Variants in SBF2 observed in about 807,000 individuals in gnomAD.
SBF2 encodes myotubularin-related protein 13.
Under a neutral mutation model 225.2 loss-of-function variants are expected in SBF2, and 112 were observed. The ratio of observed to expected loss-of-function variants is 0.50; its 90% CI spans 0.43 to 0.58. SBF2 has a LOEUF of 0.58. SBF2 is among the 20% of genes least tolerant of loss of function. The pLI, the probability that SBF2 is intolerant of heterozygous loss-of-function variation, is 0.00. For synonymous variants in SBF2, 763 were observed against 773.3 expected (o/e 0.99, Z 0.22); for missense variants, 1,996 against 2,206.2 (o/e 0.90, Z 1.91).
rs753903194 is a variant in SBF2 at position 9,998,299 on chromosome 11, T to C, written c.942A>G (p.Pro314=). 1.9e-6 allele frequency: 3 copies of C among 1,605,148 alleles called. No homozygotes were observed. The highest frequency in any genetic ancestry group is 2.6e-6 in the Non-Finnish European group (3 of 1,172,214). ...GAGCTGATTGAGTCTGATGTAGAAGTGGTTCTGGGAGGGAAGAGAGGTGAA... is the reference window on the plus strand; with the variant it reads ...GAGCTGATTGAGTCTGATGTAGAAGCGGTTCTGGGAGGGAAGAGAGGTGAA... ...ECIHLSSLPE[P]LLHQTQSALS... Residue 314 remains proline (P), a synonymous_variant, in exon 9 of 40, where the codon CCA becomes CCG. Coordinates refer to ENST00000256190, the MANE Select transcript of SBF2 (RefSeq NM_030962.4).
At chr11:10,105,458 C>A (rs955326809) in intron 2 of SBF2, among the ~76,000 whole-genome samples, 1 of 152,172 alleles carries the variant, frequency 6.6e-6, no homozygotes, top group Non-Finnish European at 1.5e-5. Context: ...AATAATCACA[C>A]CACTATAATC....
chr11:10,231,554 G>A (rs1288506043), intron 1 of SBF2, among the ~76,000 whole-genome samples: 1 of 152,170 alleles, frequency 6.6e-6, no homozygotes, highest in East Asian at 1.9e-4. Context: ...CAGGTCTGTT[G>A]GAGTTTGCTG....
chr11:9,847,053 G>C lies in SBF2; in HGVS notation c.2837C>G (p.Pro946Arg), dbSNP rs759749693. ...VGEQTVVRSF[P>R]IASITKEKKI... ...CTTCTCCTTGGTGATGGAGGCAATG[G>C]GAAAGCTCCGCACAACTGTCTGCTC... The change falls in exon 23 of 40, where the codon CCC becomes CGC. Residue 946 changes from proline (P) to arginine (R), a missense_variant. Pro to Arg is a moderately radical substitution (Grantham distance 103). Transcript: ENST00000256190. The C allele has an allele frequency of 6.2e-6, 10 of 1,613,638 alleles. No individual in the cohort carries two copies. The highest frequency in any genetic ancestry group is 2.5e-6 in the Non-Finnish European group (3 of 1,179,740).
At chr11:10,136,209 A>C (rs1954344207) in intron 2 of SBF2, among the ~76,000 whole-genome samples, 1 of 152,158 alleles carries the variant, frequency 6.6e-6, no homozygotes, top group Non-Finnish European at 1.5e-5. Context: ...TGACTCAATT[A>C]CCTCCACAAG....
chr11:9,929,903 G>A (rs1052427213), intron 16 of SBF2, among the ~76,000 whole-genome samples: 3 of 152,154 alleles, frequency 2.0e-5, no homozygotes, highest in Admixed American at 6.5e-5. Context: ...TGATTGTAAC[G>A]GTTCCTATTC....
chr11:10,132,442 A>T (rs1954105101), intron 2 of SBF2, among the ~76,000 whole-genome samples: 1 of 150,072 alleles, frequency 6.7e-6, no homozygotes, highest in African/African-American at 2.5e-5. Flanking sequence ...TGATGTTCAG[A>T]TGTGTTTGGA....
intron 2 of SBF2, among the ~76,000 whole-genome samples, chr11:10,070,939 A>G (rs1436075226): frequency 6.6e-6 from 1 of 152,084 alleles, no homozygotes; most frequent in Non-Finnish European, 1.5e-5. Context: ...ATGGGGGTTC[A>G]CTCATGGTTT....
At chr11:10,218,958 T>A (rs928283381) in intron 1 of SBF2, among the ~76,000 whole-genome samples, 4 of 152,052 alleles carry the variant, frequency 2.6e-5, no homozygotes, top group African/African-American at 9.7e-5. Flanking sequence ...TGCTATTGAG[T>A]GTCTGTGGCT....
chr11:9,782,913 G>C (rs1370891365), intron 38 of SBF2: 2 of 151,634 alleles, frequency 1.3e-5, no homozygotes, highest in Non-Finnish European at 2.9e-5. Flanking sequence ...AAGTCAAAGA[G>C]ACTGCTAGGG....
intron 17 of SBF2, among the ~76,000 whole-genome samples, chr11:9,885,028 A>C (rs1272757433): frequency 6.6e-6 from 1 of 151,938 alleles, no homozygotes; most frequent in African/African-American, 2.4e-5. Context: ...AGGCGGACGG[A>C]TCACTTGAGG....
chr11:10,158,790 TC>T (rs1955587023), intron 2 of SBF2, among the ~76,000 whole-genome samples: 1 of 152,122 alleles, frequency 6.6e-6, no homozygotes, highest in Non-Finnish European at 1.5e-5. Context: ...ACTGCAAACA[TC>T]CTATACCATC....
At chr11:10,194,674 G>A (rs956324020) in intron 1 of SBF2, among the ~76,000 whole-genome samples, 9 of 151,988 alleles carry the variant, frequency 5.9e-5, no homozygotes, top group Non-Finnish European at 1.3e-4. Context: ...CCATGCCCAG[G>A]TAATTTTTGT....
At chr11:9,987,742 C>CA (rs1321993903) in intron 13 of SBF2, among the ~76,000 whole-genome samples, 2 of 152,026 alleles carry the variant, frequency 1.3e-5, no homozygotes, top group Non-Finnish European at 2.9e-5. Context: ...TGGAAAACTA[C>CA]AAAACACTGC....
chr11:9,878,033 T>C (rs1021035578), intron 17 of SBF2, among the ~76,000 whole-genome samples: 3 of 152,224 alleles, frequency 2.0e-5, no homozygotes, highest in Admixed American at 6.5e-5. Context: ...AGCATTCCTA[T>C]TTCTCCACAT....
chr11:10,270,758 C>T (rs1306899866), intron 1 of SBF2, among the ~76,000 whole-genome samples: 1 of 151,778 alleles, frequency 6.6e-6, no homozygotes, highest in Non-Finnish European at 1.5e-5. Flanking sequence ...CTTTGGGAGG[C>T]CGAGGTAGGC....
At chr11:9,920,204 G>GTATA (rs1554954741) in intron 16 of SBF2, among the ~76,000 whole-genome samples, 33 of 115,270 alleles carry the variant, frequency 2.9e-4, no homozygotes, top group African/African-American at 8.8e-4. Flanking sequence ...GTGTGTGTGT[G>GTATA]TATATATATA....
intron 1 of SBF2, among the ~76,000 whole-genome samples, chr11:10,226,152 A>C (rs905427951): frequency 1.3e-5 from 2 of 152,176 alleles, no homozygotes; most frequent in South Asian, 4.1e-4. Context: ...AATAAAGGCT[A>C]TTCATTTTTT....
At chr11:9,999,307 A>G (rs1947845555) in intron 8 of SBF2, among the ~76,000 whole-genome samples, 1 of 150,832 alleles carries the variant, frequency 6.6e-6, no homozygotes, top group Admixed American at 6.6e-5. Flanking sequence ...GTATGTATGT[A>G]TGTATGTATG....
intron 16 of SBF2, among the ~76,000 whole-genome samples, chr11:9,912,054 C>T (rs1862666599): frequency 1.3e-5 from 2 of 152,278 alleles, no homozygotes; most frequent in African/African-American, 4.8e-5. Flanking sequence ...CGGTGGCTCA[C>T]GCCTGTAATC....
Sources: gnomAD v4.1 joint callset for allele counts (sites outside exome capture counted in the v4.1 genomes callset) on GRCh38, gnomAD v4.1.1 for gene constraint, MANE v1.5 for transcripts, NCBI Gene and HGNC (gene_info 2026-07-23, HGNC 2026-07-21) for gene names.